TAOK1: variants seen among roughly 807,000 people sequenced by gnomAD.
TAOK1 encodes TAO kinase 1.
A neutral mutation model predicts 138.3 loss-of-function variants in TAOK1; 21 were observed. The ratio of observed to expected loss-of-function variants is 0.15; its 90% CI spans 0.11 to 0.22. The LOEUF is 0.22. Among genes scored for constraint, TAOK1 ranks in the 10% least tolerant of loss-of-function variants. The pLI is 1.00. For missense variants in TAOK1, 651 were observed against 1,227.7 expected (o/e 0.53, Z 7.02); for synonymous variants, 361 against 398.4 (o/e 0.91, Z 1.12).
intron 14 of TAOK1, 90 bp downstream of exon 14, chr17:29,508,222 T>C (rs2031660917): frequency 2.6e-6 from 3 of 1,162,226 alleles, no homozygotes; most frequent in Non-Finnish European, 3.8e-6. Context: ...AGCGTATCTG[T>C]TCCCGTGAAC....
At chr17:29,456,523 A>G (rs1210032368) in intron 2 of TAOK1, among the ~76,000 whole-genome samples, 1 of 150,296 alleles carries the variant, frequency 6.7e-6, no homozygotes, top group Non-Finnish European at 1.5e-5. Context: ...GAATTTGTCT[A>G]TTACAGGTTG....
At chr17:29,436,681 C>T (rs1292320476) in intron 1 of TAOK1, among the ~76,000 whole-genome samples, 3 of 152,242 alleles carry the variant, frequency 2.0e-5, no homozygotes, top group Admixed American at 2.0e-4. Flanking sequence ...ACTTAACAAC[C>T]TTAATTATGA....
At chr17:29,409,130 ATAT>A (rs1905075654) in intron 1 of TAOK1, among the ~76,000 whole-genome samples, 5 of 151,874 alleles carry the variant, frequency 3.3e-5, no homozygotes, top group African/African-American at 1.2e-4. Flanking sequence ...AATAGCTGTG[ATAT>A]TTATCTATGT....
chr17:29,502,298 C>T (rs779321755), intron 12 of TAOK1, among the ~76,000 whole-genome samples: 4 of 152,188 alleles, frequency 2.6e-5, no homozygotes, highest in African/African-American at 4.8e-5. Flanking sequence ...GGCCTGATGG[C>T]CCGTGCCTGT....
chr17:29,497,692 T>TC (rs978060906), intron 11 of TAOK1, among the ~76,000 whole-genome samples: 2 of 125,492 alleles, frequency 1.6e-5, no homozygotes, highest in African/African-American at 6.1e-5. Flanking sequence ...AATCTAGAGT[T>TC]CCCCAAAAAC....
At chr17:29,420,738 A>G (rs1905412813) in intron 1 of TAOK1, among the ~76,000 whole-genome samples, 1 of 151,920 alleles carries the variant, frequency 6.6e-6, no homozygotes, top group Non-Finnish European at 1.5e-5. Context: ...GGCATGCGCC[A>G]GCATGCCTGG....
chr17:29,426,354 A>C (rs1905640159), intron 1 of TAOK1, among the ~76,000 whole-genome samples: 1 of 152,242 alleles, frequency 6.6e-6, no homozygotes, highest in Non-Finnish European at 1.5e-5. Context: ...TAGTATGATA[A>C]GTGCAATATC....
intron 15 of TAOK1, among the ~76,000 whole-genome samples, chr17:29,516,522 G>A (rs2031818843): frequency 8.0e-6 from 1 of 124,486 alleles, no homozygotes; most frequent in Admixed American, 8.6e-5. Flanking sequence ...TTTTTTTTGA[G>A]ACTGAGTTTC....
chr17:29,396,721 G>C (rs1474624701), intron 1 of TAOK1, among the ~76,000 whole-genome samples: 1 of 152,168 alleles, frequency 6.6e-6, no homozygotes, highest in Non-Finnish European at 1.5e-5. Context: ...ATGTTGGCTG[G>C]GCGTGGTGGC....
At position 29,437,086 on chromosome 17, in the gene TAOK1, T is replaced by C. The variant is rs1047745818; in HGVS notation, c.-94-14369T>C. On this transcript the variant is annotated intron_variant, in intron 1 of 19. Transcript: ENST00000261716. The stretch of plus-strand genomic sequence containing the variant: ...TTTGTTTGTTTGTTTGTTTTTGATA[T>C]GGAATCTGGCACTGTTGCCCGGGCT... Among the ~76,000 whole-genome samples, 3 of 152,136 alleles carry C rather than the reference T, an allele frequency of 2.0e-5. No homozygotes were observed. The East Asian group carries it at 5.8e-4, about 29-fold the overall frequency.
At chr17:29,391,981 C>T (rs1598460328) in intron 1 of TAOK1, among the ~76,000 whole-genome samples, 1 of 152,316 alleles carries the variant, frequency 6.6e-6, no homozygotes, top group Middle Eastern at 3.4e-3. Context: ...CTTTGGGAGG[C>T]CAAGGCGGGC....
At chr17:29,479,879 CTA>C (rs1431240217) in intron 6 of TAOK1, among the ~76,000 whole-genome samples, 1 of 151,904 alleles carries the variant, frequency 6.6e-6, no homozygotes, top group African/African-American at 2.4e-5. Context: ...TTTAGGAAAA[CTA>C]TGCTGACGTT....
At chr17:29,531,015 C>A (rs2032093882) in intron 18 of TAOK1, among the ~76,000 whole-genome samples, 1 of 132,668 alleles carries the variant, frequency 7.5e-6, no homozygotes, top group Non-Finnish European at 1.5e-5. Flanking sequence ...AGGCTGGAGT[C>A]CAGTGGCGCG....
In TAOK1 at chr17:29,489,674, G is replaced by A; in HGVS notation, c.666G>A (p.Lys222=). Residue 222 remains lysine (K), a synonymous_variant, in exon 9 of 20, where the codon AAG becomes AAA. Coordinates refer to ENST00000261716, the MANE Select transcript of TAOK1 (RefSeq NM_020791.4). ...GITCIELAER[K]PPLFNMNAMS... Reference sequence around the variant, plus strand: ...TCCTTTCTTTTACAGCGGAAAGGAAGCCTCCTTTATTTAATATGAATGCAA... The same window carrying A: ...TCCTTTCTTTTACAGCGGAAAGGAAACCTCCTTTATTTAATATGAATGCAA... 6.2e-7 allele frequency: 1 copy of A among 1,606,568 alleles called. No individual in the cohort carries two copies. The highest frequency in any genetic ancestry group is 8.5e-7 in the Non-Finnish European group (1 of 1,177,090).
rs1302897737 is a variant in TAOK1, at chr17:29,544,067, A to G, written c.*1045A>G. On this transcript the variant is annotated 3_prime_UTR_variant, in exon 20 of 20. Coordinates refer to ENST00000261716, the MANE Select transcript of TAOK1 (RefSeq NM_020791.4). ...AAAACAAAGACATATAGCCAATACAAATCAAATGCCGGAGGTGTTTGATGC... is the reference window on the plus strand; with the variant it reads ...AAAACAAAGACATATAGCCAATACAGATCAAATGCCGGAGGTGTTTGATGC... 1 of 152,660 alleles carries G rather than the reference A, an allele frequency of 6.6e-6. No homozygotes were observed. The highest frequency in any genetic ancestry group is 1.5e-5 in the Non-Finnish European group (1 of 68,036). The allele number at this position is 152,660 out of a possible 1,614,324, so 9.5% of individuals were successfully genotyped here.
At chr17:29,502,050 C>G (rs1230893589) in intron 12 of TAOK1, among the ~76,000 whole-genome samples, 1 of 152,150 alleles carries the variant, frequency 6.6e-6, no homozygotes, top group Non-Finnish European at 1.5e-5. Context: ...AAACAACAAA[C>G]AAATCAATCA....
At position 29,491,852 on chromosome 17, in the gene TAOK1, AGGAACTTTTAAAGGT is replaced by A; in HGVS notation, c.819_831+2del. 1 of 1,612,478 alleles carries A rather than the reference AGGAACTTTTAAAGGT, an allele frequency of 6.2e-7. No individual in the cohort carries two copies. Among genetic ancestry groups the A allele is most frequent in the Non-Finnish European group, 8.5e-7 (1 of 1,178,846 alleles). ...ATCCCTCAAGATCGACCTACATCAG[AGGAACTTTTAAAGGT>A]CAGTTCTATTATAGTTTATTTATTT... On this transcript the variant is annotated splice_donor_variant and coding_sequence_variant, in exon 10 of 20. Transcript: ENST00000261716. LOFTEE classifies it high-confidence loss of function.
rs2032366686 is a variant in TAOK1 at position 29,544,264 on chromosome 17, G to A, written c.*1242G>A. ...TGAGCCAATGACTTTACCAGCTGCT[G>A]ACTAATCTTCATCACCACTGTAGAT... On this transcript the variant is annotated 3_prime_UTR_variant, in exon 20 of 20. Transcript: ENST00000261716. 1 of 152,636 alleles carries A rather than the reference G, an allele frequency of 6.6e-6. No individual in the cohort carries two copies. Among genetic ancestry groups the A allele is most frequent in the Non-Finnish European group, 1.5e-5 (1 of 68,044 alleles). 9.5% of individuals were successfully genotyped at this position (152,636 alleles called of 1,614,324 possible). A position where few individuals can be genotyped will look rare whatever the true frequency, so the allele number is the denominator to read the frequency against.
At chr17:29,415,618 C>T (rs1273737774) in intron 1 of TAOK1, among the ~76,000 whole-genome samples, 1 of 152,172 alleles carries the variant, frequency 6.6e-6, no homozygotes, top group Admixed American at 6.6e-5. Flanking sequence ...TTTTCGTGCA[C>T]TCAGCCATTT....
Sources: gnomAD v4.1 joint callset for allele counts (sites outside exome capture counted in the v4.1 genomes callset) on GRCh38, gnomAD v4.1.1 for gene constraint, MANE v1.5 for transcripts, NCBI Gene and HGNC (gene_info 2026-07-23, HGNC 2026-07-21) for gene names.